The following ZNF626 variants were observed in gnomAD, a reference collection of about 807,000 sequenced individuals.
The protein encoded by ZNF626 is CTC-513N18.7.
ZNF626 carries 4 observed loss-of-function variants against 11.7 expected under a neutral mutation model. The ratio of observed to expected loss-of-function variants is 0.34; its 90% CI spans 0.17 to 0.78. ZNF626 has a LOEUF of 0.78. Ranked by LOEUF, ZNF626 falls within the 30% of genes least tolerant of loss-of-function variation. The pLI is 0.57. For missense variants in ZNF626, 588 were observed against 587.1 expected (o/e 1.00, Z -0.01); for synonymous variants, 179 against 198.6 (o/e 0.90, Z 0.83).
intron 1 of ZNF626, among the ~76,000 whole-genome samples, chr19:20,654,037 C>T (rs945617762): frequency 3.3e-5 from 5 of 152,130 alleles, no homozygotes; most frequent in Non-Finnish European, 5.9e-5. Context: ...TATCTACTAA[C>T]TGTAACAATT....
intron 3 of ZNF626, among the ~76,000 whole-genome samples, chr19:20,636,286 T>C (rs1182471435): frequency 2.0e-5 from 3 of 152,208 alleles, no homozygotes; most frequent in African/African-American, 4.8e-5. Flanking sequence ...CTTTTTCATA[T>C]TTAATTTTGC....
intron 3 of ZNF626, among the ~76,000 whole-genome samples, chr19:20,631,355 TCTAA>T (rs1482779856): frequency 1.3e-5 from 2 of 152,178 alleles, no homozygotes; most frequent in African/African-American, 2.4e-5. Flanking sequence ...CGTTGATCTG[TCTAA>T]CTTTCTGTCT....
At chr19:20,627,395 G>C (rs759307653) in intron 3 of ZNF626, among the ~76,000 whole-genome samples, 2 of 151,724 alleles carry the variant, frequency 1.3e-5, no homozygotes, top group Non-Finnish European at 2.9e-5. Context: ...ATCTTTTAGA[G>C]GTTTTATGTA....
rs782620513 is a variant in ZNF626, at chr19:20,643,659, CAA to C, written c.226+2023_226+2024del. Among the ~76,000 whole-genome samples, 13 of 151,936 alleles carry C rather than the reference CAA, an allele frequency of 8.6e-5. No individual in the cohort carries two copies. The East Asian group carries it at 1.9e-3, about 23-fold the overall frequency. ...GCTCTATTTTCATATCCCCTTATAGCAAAAAAAGTCAGCCATCCCTGACCAAA... is the reference window on the plus strand; with the variant it reads ...GCTCTATTTTCATATCCCCTTATAGCAAAAAGTCAGCCATCCCTGACCAAA... On this transcript the variant is annotated intron_variant, in intron 3 of 3. Coordinates refer to ENST00000601440, the MANE Select transcript of ZNF626 (RefSeq NM_001076675.3).
chr19:20,651,270 AATAT>A (rs1469469166), intron 1 of ZNF626, among the ~76,000 whole-genome samples: 3 of 151,940 alleles, frequency 2.0e-5, no homozygotes, highest in South Asian at 4.2e-4. Flanking sequence ...AAGTCACAAC[AATAT>A]AAAGTGGCAA....
chr19:20,647,751 G>A (rs1430202477), intron 1 of ZNF626, among the ~76,000 whole-genome samples: 5 of 152,052 alleles, frequency 3.3e-5, no homozygotes, highest in African/African-American at 9.7e-5. Flanking sequence ...CTCCCAAAGT[G>A]CTGGGATTAC....
Position 20,625,167 on chromosome 19 carries a change from G to T in ZNF626, c.710C>A (p.Ala237Asp), listed in dbSNP as rs1555769394. 1 of 1,613,070 alleles carries T rather than the reference G, an allele frequency of 6.2e-7. No individual in the cohort carries two copies. Among genetic ancestry groups the T allele is most frequent in the Non-Finnish European group, 8.5e-7 (1 of 1,179,910 alleles). Reference protein sequence around the residue: ...KPYKCEECGKAFKHSSTLTTH... With the variant: ...KPYKCEECGKDFKHSSTLTTH... ...AGTAAGAGTGGAGGAGTGCTTAAAG[G>T]CTTTGCCACATTCTTCACATTTGTA... The change falls in exon 4 of 4, where the codon GCC becomes GAC. Residue 237 changes from alanine (A) to aspartate (D), a missense_variant. Ala to Asp is a moderately radical substitution (Grantham distance 126). Coordinates refer to ENST00000601440, the MANE Select transcript of ZNF626 (RefSeq NM_001076675.3).
intron 1 of ZNF626, among the ~76,000 whole-genome samples, chr19:20,659,311 C>G (rs1291975216): frequency 2.0e-5 from 3 of 152,102 alleles, no homozygotes; most frequent in African/African-American, 7.2e-5. Flanking sequence ...ACCGTCTCAG[C>G]TCACTGCAAC....
At chr19:20,660,443 T>C (rs1555773562) in intron 1 of ZNF626, among the ~76,000 whole-genome samples, 1 of 152,152 alleles carries the variant, frequency 6.6e-6, no homozygotes, top group African/African-American at 2.4e-5. Context: ...TTTCTTTTTT[T>C]TGAGCCGGAG....
chr19:20,651,680 G>A (rs567144326), intron 1 of ZNF626, among the ~76,000 whole-genome samples: 99 of 152,314 alleles, frequency 6.5e-4, no homozygotes, highest in African/African-American at 2.3e-3. Flanking sequence ...ATGATTGTGA[G>A]AGAATTCCCA....
rs372206873 is a variant in ZNF626, at chr19:20,624,643, G to C, written c.1234C>G (p.Leu412Val). 2 of 1,592,628 alleles carry C rather than the reference G, an allele frequency of 1.3e-6. No individual in the cohort carries two copies. The highest frequency in any genetic ancestry group is 1.1e-5 in the South Asian group (1 of 89,464). The change falls in exon 4 of 4, where the codon CTT becomes GTT. Residue 412 changes from leucine (L) to valine (V), a missense_variant. By Grantham distance (32) the Leu-to-Val change is conservative. Transcript: ENST00000601440. Reference sequence around the variant, plus strand: ...GTATGAATTTTCTTATGTGTAGTAAGGTTAGAGGAGTACTTAAAAGCTTTG... The same window carrying C: ...GTATGAATTTTCTTATGTGTAGTAACGTTAGAGGAGTACTTAAAAGCTTTG... ...CGKAFKYSSN[L>V]TTHKKIHTGE... is the part of the protein sequence containing the mutation.
rs1555769495 is a variant in ZNF626 at position 20,625,447 on chromosome 19, T to C, written c.430A>G (p.Ile144Val). The change falls in exon 4 of 4, where the codon ATA becomes GTA. Residue 144 changes from isoleucine (I) to valine (V), a missense_variant. Around this residue, in one of 4 missense-constraint regions of ZNF626, gnomAD observed 524 missense variants for 470.1 expected, o/e 1.11. Coordinates refer to ENST00000601440, the MANE Select transcript of ZNF626 (RefSeq NM_001076675.3). ...TTCACATATTTATCACATTGACATATTTTTCTTGGGGTAGTTGTCAAACAT... is the reference window on the plus strand; with the variant it reads ...TTCACATATTTATCACATTGACATACTTTTCTTGGGGTAGTTGTCAAACAT... ...NQCLTTTPRK[I>V]CQCDKYVKVL... 6.2e-7 allele frequency: 1 copy of C among 1,614,122 alleles called. No individual in the cohort carries two copies.
chr19:20,653,651 AAG>A (rs1320100036), intron 1 of ZNF626, among the ~76,000 whole-genome samples: 1,798 of 93,488 alleles, frequency 0.019, 94 homozygotes, highest in African/African-American at 0.13. Context: ...CAAAAAAAAA[AAG>A]AAAAAGAAAA....
chr19:20,646,255 A>T, intron 2 of ZNF626, 24 bp downstream of exon 2: 3 of 1,607,582 alleles, frequency 1.9e-6, no homozygotes, highest in Non-Finnish European at 2.5e-6. Context: ...TATAGGGTAT[A>T]TTATGTACTC....
At position 20,642,632 on chromosome 19, in the gene ZNF626, A is replaced by C. The variant is rs146594810; in HGVS notation, c.226+3052T>G. Among the ~76,000 whole-genome samples, 113 of 152,266 alleles carry C rather than the reference A, an allele frequency of 7.4e-4. 1 individual carries two copies. In the East Asian group the frequency reaches 0.019, roughly 26 times the overall value. ...AACAGCAGCAACAACAAACAAAAAA[A>C]CTACACTGAAGAAACATGCTAATAC... On this transcript the variant is annotated intron_variant, in intron 3 of 3. Transcript: ENST00000601440.
intron 3 of ZNF626, among the ~76,000 whole-genome samples, chr19:20,638,846 C>T (rs1280920663): frequency 6.6e-6 from 1 of 151,882 alleles, no homozygotes; most frequent in Non-Finnish European, 1.5e-5. Flanking sequence ...GACATCAAGA[C>T]CCCATTTGCA....
Position 20,624,034 on chromosome 19 carries a change from T to G in ZNF626, c.*256A>C, listed in dbSNP as rs1969787824. The G allele has an allele frequency of 1.0e-5, 7 of 688,068 alleles. No individual in the cohort carries two copies. In the East Asian group the frequency reaches 1.9e-4, roughly 19 times the overall value. The allele number at this position is 688,068 out of a possible 1,614,324, so 42.6% of individuals were successfully genotyped here. A position where few individuals can be genotyped will look rare whatever the true frequency, so the allele number is the denominator to read the frequency against. On this transcript the variant is annotated 3_prime_UTR_variant, in exon 4 of 4. Coordinates refer to ENST00000601440, the MANE Select transcript of ZNF626 (RefSeq NM_001076675.3). Reference sequence around the variant, plus strand: ...ACATTCACATGGTTTCTCTCCAGTATGAATTATCTTATGTGCAGTAAGGTG... The same window carrying G: ...ACATTCACATGGTTTCTCTCCAGTAGGAATTATCTTATGTGCAGTAAGGTG...
chr19:20,626,547 G>T (rs1165025264), intron 3 of ZNF626, among the ~76,000 whole-genome samples: 1 of 151,008 alleles, frequency 6.6e-6, no homozygotes, highest in Non-Finnish European at 1.5e-5. Flanking sequence ...GTGAAACCCT[G>T]TATCTACTAA....
chr19:20,645,476 A>T lies in ZNF626; in HGVS notation c.226+208T>A, dbSNP rs782749282. On this transcript the variant is annotated intron_variant, in intron 3 of 3. Transcript: ENST00000601440. ...GAAAGAAAAGGAAAATCCTTAGAGA[A>T]TTTAAAAGCATAAGACAGAAGATGC... The T allele has an allele frequency of 7.5e-6, 12 of 1,607,436 alleles. No homozygotes were observed. In the African/African-American group the frequency reaches 1.6e-4, roughly 22 times the overall value.
Sources: allele counts gnomAD v4.1 joint callset (sites outside exome capture counted in the v4.1 genomes callset), GRCh38; gene constraint gnomAD v4.1.1; regional missense constraint gnomAD v4.1.1; transcripts MANE v1.5; gene names NCBI Gene and HGNC (gene_info 2026-07-23, HGNC 2026-07-21).